The following LONP1 variants were observed in gnomAD, a reference collection of about 807,000 sequenced individuals.
The protein encoded by LONP1 is lon protease homolog, mitochondrial.
Under a neutral mutation model 98.5 loss-of-function variants are expected in LONP1, and 31 were observed. The observed-to-expected ratio is 0.31, with a 90% CI of 0.24 to 0.42. The LOEUF is 0.42. Ranked by LOEUF, LONP1 falls within the 20% of genes least tolerant of loss-of-function variation. The probability of loss-of-function intolerance (pLI) is 1.00; values close to 1 mark genes in which losing one functional copy is unlikely to be tolerated. For missense variants in LONP1, 1,336 were observed against 1,350.6 expected, an observed-to-expected ratio of 0.99 and a Z score of 0.17; for synonymous variants, 781 against 594.7, an observed-to-expected ratio of 1.31 and a Z score of -4.56.
In LONP1 at chr19:5,693,475, G is replaced by A. The variant is rs768418824; in HGVS notation, c.2539-13C>T. On this transcript the variant is annotated splice_polypyrimidine_tract_variant and intron_variant, in intron 16 of 17. Coordinates refer to ENST00000360614, the MANE Select transcript of LONP1 (RefSeq NM_004793.4). ...TGGGGGTGGCGCCCTGTGGAGGCAT[G>A]TGGGGATAGTGGGTGAGCAGGTGGC... 1.4e-5 allele frequency: 22 copies of A among 1,611,244 alleles called. No individual in the cohort carries two copies. The highest frequency in any genetic ancestry group is 1.9e-5 in the Non-Finnish European group (22 of 1,178,152).
In LONP1 at chr19:5,692,025, G is replaced by T. The variant is rs777775764; in HGVS notation, c.*7C>A. 1 of 1,609,882 alleles carries T rather than the reference G, an allele frequency of 6.2e-7. No individual in the cohort carries two copies. The highest frequency in any genetic ancestry group is 1.7e-5 in the Admixed American group (1 of 59,718). Reference sequence around the variant, plus strand: ...GACATCCGCCGCCTGCAGTCCCGGGGTGGCCGTCACCGTTCCACGGCCAGC... The same window carrying T: ...GACATCCGCCGCCTGCAGTCCCGGGTTGGCCGTCACCGTTCCACGGCCAGC... On this transcript the variant is annotated 3_prime_UTR_variant, in exon 18 of 18. Coordinates refer to ENST00000360614, the MANE Select transcript of LONP1 (RefSeq NM_004793.4).
At position 5,693,652 on chromosome 19, in the gene LONP1, C is replaced by T; in HGVS notation, c.2438G>A (p.Ser813Asn). ...GGCGAAGGTGTAGGCTATGCGGGCG[C>T]TCTCCTTCATCACCTCCCCCAGCTG... ...TGQLGEVMKESARIAYTFARA... is the reference protein window; with the variant it reads ...TGQLGEVMKENARIAYTFARA... The change falls in exon 16 of 18, where the codon AGC (serine) becomes AAC (asparagine). Residue 813 changes from serine (S) to asparagine (N), a missense_variant. By Grantham distance (46) the Ser-to-Asn change is conservative. Around this residue, in one of 5 missense-constraint regions of LONP1, gnomAD observed 555 missense variants for 542.6 expected, o/e 1.02. Coordinates refer to ENST00000360614, the MANE Select transcript of LONP1 (RefSeq NM_004793.4). The T allele has an allele frequency of 6.2e-7, 1 of 1,614,090 alleles. No individual in the cohort carries two copies. The highest frequency in any genetic ancestry group is 8.5e-7 in the Non-Finnish European group (1 of 1,179,990).
chr19:5,694,762 T>C lies in LONP1; in HGVS notation c.2153A>G (p.Lys718Arg). The change falls in exon 14 of 18, where the codon AAG becomes AGG. Residue 718 changes from lysine to arginine, a missense_variant and splice_region_variant. Physicochemically the swap from Lys to Arg is conservative, Grantham distance 26 (BLOSUM62 2). This residue lies in a region of LONP1 where 555 missense variants were observed against 542.6 expected (regional missense o/e 1.02). Coordinates refer to ENST00000360614, the MANE Select transcript of LONP1 (RefSeq NM_004793.4). ...CAGGAGGGCGGGCTGGCCGCTCACC[T>C]TCTCCACTTGCTTCTGCAGGTTGCG... is the stretch of plus-strand genomic sequence containing the variant. ...GVRNLQKQVE[K>R]VLRKSAYKIV... 1.3e-6 allele frequency: 2 copies of C among 1,588,892 alleles called. No individual in the cohort carries two copies. The highest frequency in any genetic ancestry group is 1.7e-6 in the Non-Finnish European group (2 of 1,160,156).
chr19:5,700,994 G>C (rs1373965291), intron 8 of LONP1, 67 bp from the exon 9 acceptor site: 4 of 1,593,708 alleles, frequency 2.5e-6, no homozygotes, highest in Non-Finnish European at 3.4e-6. Context: ...TGCTGGACTT[G>C]GCTGGGTGGT....
Position 5,691,837 on chromosome 19 carries a change from T to C in LONP1, c.*195A>G. 1 of 801,406 alleles carries C rather than the reference T, an allele frequency of 1.2e-6. No individual in the cohort carries two copies. Among genetic ancestry groups the C allele is most frequent in the Non-Finnish European group, 2.0e-6 (1 of 512,222 alleles). The allele number at this position is 801,406 out of a possible 1,614,324, so 49.6% of individuals were successfully genotyped here. ...GCAGCAGGTGAGGAAGCCGCCGTACTGCAAATGACTTTAATCATTAAATAG... is the reference window on the plus strand; with the variant it reads ...GCAGCAGGTGAGGAAGCCGCCGTACCGCAAATGACTTTAATCATTAAATAG... On this transcript the variant is annotated 3_prime_UTR_variant, in exon 18 of 18. Coordinates refer to ENST00000360614, the MANE Select transcript of LONP1 (RefSeq NM_004793.4).
At position 5,719,827 on chromosome 19, in the gene LONP1, G is replaced by A; in HGVS notation, c.306C>T (p.Gly102=). 1.9e-6 allele frequency: 3 copies of A among 1,609,610 alleles called. No individual in the cohort carries two copies. Among genetic ancestry groups the A allele is most frequent in the Non-Finnish European group, 2.5e-6 (3 of 1,178,728 alleles). The change falls in exon 1 of 18, where the codon GGC becomes GGT. Residue 102 remains glycine, a synonymous_variant. Coordinates refer to ENST00000360614, the MANE Select transcript of LONP1 (RefSeq NM_004793.4). ...EGAGGAGGSA[G]AGEGPVITAL... The stretch of plus-strand genomic sequence containing the variant: ...CCGTTATGACCGGGCCTTCCCCGGC[G>A]CCCGCGCTGCCCCCCGCGCCGCCGG...
chr19:5,702,826 G>C (rs368025218), intron 8 of LONP1, among the ~76,000 whole-genome samples: 13 of 150,908 alleles, frequency 8.6e-5, no homozygotes, highest in African/African-American at 2.4e-4. Flanking sequence ...GCAGCATGCT[G>C]GTTAAGAGTC....
rs1404923394 is a variant in LONP1, at chr19:5,692,002, C to CA, written c.*29dup. On this transcript the variant is annotated 3_prime_UTR_variant, in exon 18 of 18. Coordinates refer to ENST00000360614, the MANE Select transcript of LONP1 (RefSeq NM_004793.4). ...CAGTTCTGGCCCAGACAGGGCCTGA[C>CA]ATCCGCCGCCTGCAGTCCCGGGGTG... is the stretch of plus-strand genomic sequence containing the variant. The CA allele has an allele frequency of 6.3e-7, 1 of 1,595,530 alleles. No homozygotes were observed. The highest frequency in any genetic ancestry group is 8.5e-7 in the Non-Finnish European group (1 of 1,170,030).
chr19:5,719,684 G>A lies in LONP1; in HGVS notation c.429+20C>T, dbSNP rs961945738. The stretch of plus-strand genomic sequence containing the variant: ...TTGCACAGGTGGGAAACCTGAGGCC[G>A]AGGCGGGGACTCCCATTACCTCGAT... On this transcript the variant is annotated intron_variant, in intron 1 of 17. Transcript: ENST00000360614. 1 of 1,613,648 alleles carries A rather than the reference G, an allele frequency of 6.2e-7. No homozygotes were observed. The highest frequency in any genetic ancestry group is 8.5e-7 in the Non-Finnish European group (1 of 1,180,000).
At chr19:5,702,016 G>T (rs922108688) in intron 8 of LONP1, among the ~76,000 whole-genome samples, 6 of 150,294 alleles carry the variant, frequency 4.0e-5, no homozygotes, top group African/African-American at 1.5e-4. Context: ...CCTGGCAACC[G>T]ACCCGTCTGA....
Position 5,713,201 on chromosome 19 carries a change from A to G in LONP1, c.571T>C (p.Phe191Leu). The G allele has an allele frequency of 6.2e-7, 1 of 1,614,172 alleles. No homozygotes were observed. The highest frequency in any genetic ancestry group is 1.3e-5 in the African/African-American group (1 of 75,044). The change falls in exon 3 of 18, where the codon TTT becomes CTT. Residue 191 changes from phenylalanine to leucine, a missense_variant. This residue lies in a region of LONP1 where 457 missense variants were observed against 403.1 expected (regional missense o/e 1.13). Coordinates refer to ENST00000360614, the MANE Select transcript of LONP1 (RefSeq NM_004793.4). ...SLDEIYHTGT[F>L]AQIHEMQDLG... ...TCCTGCATCTCATGGATCTGGGCAA[A>G]CGTCCCCGTGTGGTAGATTTCATCC...
intron 17 of LONP1, 159 bp from the exon 18 acceptor site, chr19:5,692,367 CG>C: frequency 1.6e-6 from 1 of 633,792 alleles, no homozygotes; most frequent in Middle Eastern, 4.4e-4. Flanking sequence ...CCGTCTCCCA[CG>C]GGGAAACAGG....
chr19:5,719,157 G>T (rs1287562492), intron 1 of LONP1, among the ~76,000 whole-genome samples: 1 of 152,180 alleles, frequency 6.6e-6, no homozygotes, highest in Non-Finnish European at 1.5e-5. Context: ...AGCCGCCAGA[G>T]TAGCTGGGAG....
At chr19:5,705,194 C>T (rs1253914668) in intron 8 of LONP1, among the ~76,000 whole-genome samples, 2 of 150,200 alleles carry the variant, frequency 1.3e-5, no homozygotes, top group African/African-American at 4.9e-5. Flanking sequence ...TGGTGGCTCG[C>T]GCCTGTAATC....
chr19:5,714,085 G>C (rs990245418), intron 2 of LONP1, 98 bp downstream of exon 2: 3 of 881,804 alleles, frequency 3.4e-6, no homozygotes, highest in African/African-American at 1.7e-5. Context: ...GGTTTCCTCG[G>C]GGTCAGGGGT....
At chr19:5,698,580 C>T (rs923198917) in intron 10 of LONP1, among the ~76,000 whole-genome samples, 20 of 152,196 alleles carry the variant, frequency 1.3e-4, no homozygotes, top group Non-Finnish European at 2.8e-4. Flanking sequence ...GTGCGCGGCC[C>T]GGTCCTCACT....
In LONP1 at chr19:5,699,010, T is replaced by C; in HGVS notation, c.1685+17A>G. 1 of 1,590,728 alleles carries C rather than the reference T, an allele frequency of 6.3e-7. No homozygotes were observed. Among genetic ancestry groups the C allele is most frequent in the African/African-American group, 1.4e-5 (1 of 74,052 alleles). On this transcript the variant is annotated intron_variant, in intron 10 of 17. Transcript: ENST00000360614. ...GCTGAGGGGAGTGCGTGGGGAGAGC[T>C]GTCAGGCCAGGCCTACCTGTGGCCC...
intron 17 of LONP1, 57 bp from the exon 18 acceptor site, chr19:5,692,265 C>G: frequency 6.5e-7 from 1 of 1,535,168 alleles, no homozygotes; most frequent in Non-Finnish European, 8.8e-7. Context: ...AGCAGGTGTG[C>G]TAACCTCCAG....
In LONP1 at chr19:5,695,104, T is replaced by C. The variant is rs912480308; in HGVS notation, c.2014-203A>G. ...AGGCCTTTGCTTGTGCTGCGTCCTC[T>C]GCTTGGATCCACTTCCTATCCCCCA... On this transcript the variant is annotated intron_variant, in intron 13 of 17. Coordinates refer to ENST00000360614, the MANE Select transcript of LONP1 (RefSeq NM_004793.4). Among the ~76,000 whole-genome samples, 7 of 152,124 alleles carry C rather than the reference T, an allele frequency of 4.6e-5. No homozygotes were observed. In the East Asian group the frequency reaches 1.4e-3, roughly 30 times the overall value.
Sources: gnomAD v4.1 joint callset for allele counts (sites outside exome capture counted in the v4.1 genomes callset) on GRCh38, gnomAD v4.1.1 for gene constraint, gnomAD v4.1.1 regional missense constraint, MANE v1.5 for transcripts, NCBI Gene and HGNC (gene_info 2026-07-23, HGNC 2026-07-21) for gene names.